The following PLCL1 variants were observed in gnomAD, a reference collection of about 807,000 sequenced individuals.
PLCL1 encodes phospholipase C like 1 (inactive), also known as inactive phospholipase C-like protein 1.
A neutral mutation model predicts 84.4 loss-of-function variants in PLCL1; 41 were observed. That is an observed-to-expected ratio of 0.49 (90% confidence interval 0.38 to 0.63). The LOEUF is 0.63. PLCL1 is among the 30% of genes least tolerant of loss of function. The probability of loss-of-function intolerance (pLI) is 0.00; values close to 1 mark genes in which losing one functional copy is unlikely to be tolerated. For synonymous variants in PLCL1, 490 were observed against 488.3 expected (o/e 1.00, Z -0.05); for missense variants, 1,206 against 1,367.8 (o/e 0.88, Z 1.87).
intron 1 of PLCL1, among the ~76,000 whole-genome samples, chr2:198,037,973 G>A (rs548985048): frequency 4.6e-5 from 7 of 152,274 alleles, no homozygotes; most frequent in East Asian, 3.9e-4. Flanking sequence ...AAACTGAAAT[G>A]TATCATTTTT....
At chr2:197,885,741 TTA>T (rs1280277005) in intron 1 of PLCL1, among the ~76,000 whole-genome samples, 7 of 152,210 alleles carry the variant, frequency 4.6e-5, no homozygotes, top group Non-Finnish European at 8.8e-5. Flanking sequence ...CGCTATCTAA[TTA>T]TATTTGATTC....
At position 198,085,174 on chromosome 2, in the gene PLCL1, G is replaced by T. The variant is rs1375090293; in HGVS notation, c.1657G>T (p.Gly553Ter). 6.2e-7 allele frequency: 1 copy of T among 1,613,894 alleles called. No individual in the cohort carries two copies. The highest frequency in any genetic ancestry group is 8.5e-7 in the Non-Finnish European group (1 of 1,179,888). ...GCCTTCTGATCCAGATGTGTTAGAA[G>T]GAGAAGTAACAGATGAAGATGAAGA... ...KLPSDPDVLE[G>*]EVTDEDEEAE... Residue 553 changes from glycine to a stop codon, truncating the protein, a stop_gained, in exon 2 of 6, where the codon GGA becomes TGA. Coordinates refer to ENST00000428675, the MANE Select transcript of PLCL1 (RefSeq NM_006226.4). LOFTEE classifies it high-confidence loss of function. This position sits in a 1 kb window ranked among gnomAD's most constrained non-coding sequence, Gnocchi z 5.3.
intron 1 of PLCL1, among the ~76,000 whole-genome samples, chr2:197,952,341 C>T (rs1184513062): frequency 1.3e-5 from 2 of 152,100 alleles, no homozygotes; most frequent in African/African-American, 2.4e-5. Flanking sequence ...ATGTGATAAC[C>T]TGCTCTGTGC....
At position 198,084,962 on chromosome 2, in the gene PLCL1, C is replaced by T; in HGVS notation, c.1445C>T (p.Ala482Val). The T allele has an allele frequency of 1.1e-5, 17 of 1,614,044 alleles. No homozygotes were observed. Among genetic ancestry groups the T allele is most frequent in the Non-Finnish European group, 1.4e-5 (17 of 1,179,996 alleles). Residue 482 changes from alanine (A) to valine (V), a missense_variant, in exon 2 of 6, where the codon GCT (alanine) becomes GTT (valine). Physicochemically the swap from Ala to Val is moderately conservative, Grantham distance 64. Coordinates refer to ENST00000428675, the MANE Select transcript of PLCL1 (RefSeq NM_006226.4). ...GTAATAAATAAATTTGCCTTTGTTG[C>T]TTCTGAATACCCACTCATTCTTTGC... The part of the protein sequence containing the change: ...IEVINKFAFV[A>V]SEYPLILCLG...
intron 1 of PLCL1, among the ~76,000 whole-genome samples, chr2:198,022,215 G>A (rs1008514636): frequency 1.3e-5 from 2 of 152,112 alleles, no homozygotes; most frequent in African/African-American, 4.8e-5. Flanking sequence ...CAATAAACTA[G>A]GTATTTGTGG....
In PLCL1 at chr2:198,126,497, G is replaced by C. The variant is rs149526142; in HGVS notation, c.3106-20283G>C. 7.2e-5 allele frequency among the ~76,000 whole-genome samples: 11 copies of C among 152,270 alleles called. No individual in the cohort carries two copies. The East Asian group carries it at 2.1e-3, about 29-fold the overall frequency. ...CTGCCTGGGCTGTGGGGACCACCCA[G>C]GGGCTGTGTGGAGGGAACCATCCCT... On this transcript the variant is annotated intron_variant, in intron 5 of 5. Coordinates refer to ENST00000428675, the MANE Select transcript of PLCL1 (RefSeq NM_006226.4).
intron 1 of PLCL1, among the ~76,000 whole-genome samples, chr2:197,957,247 A>G (rs548163778): frequency 6.6e-6 from 1 of 152,048 alleles, no homozygotes; most frequent in African/African-American, 2.4e-5. Flanking sequence ...CCTTTGTGTT[A>G]TAATTATTTC....
intron 1 of PLCL1, among the ~76,000 whole-genome samples, chr2:197,835,294 T>TA (rs1263429887): frequency 2.6e-5 from 4 of 152,242 alleles, no homozygotes; most frequent in Middle Eastern, 3.4e-3. Flanking sequence ...TAAAGTATAA[T>TA]AAAAAAACCA....
chr2:197,881,090 G>T (rs1348051986), intron 1 of PLCL1, among the ~76,000 whole-genome samples: 1 of 152,132 alleles, frequency 6.6e-6, no homozygotes, highest in Non-Finnish European at 1.5e-5. Flanking sequence ...CTCCCTGAGG[G>T]CAGGCACTGT....
intron 5 of PLCL1, among the ~76,000 whole-genome samples, chr2:198,139,672 A>C (rs1694336490): frequency 6.6e-6 from 1 of 152,202 alleles, no homozygotes; most frequent in Non-Finnish European, 1.5e-5. Flanking sequence ...AGCCTTACAA[A>C]GTATTTGTTT....
rs1167949882 is a variant in PLCL1 at position 198,088,940 on chromosome 2, G to A, written c.2798G>A (p.Arg933Gln). Reference protein sequence around the residue: ...LKQCLLTLSSRLITSDNTPSV... With the variant: ...LKQCLLTLSSQLITSDNTPSV... ...CAGTGCCTGTTAACTCTGTCATCTC[G>A]GCTCATCACCAGTGACAATACTCCT... Residue 933 changes from arginine (R) to glutamine (Q), a missense_variant, in exon 3 of 6, where the codon CGG becomes CAG. Physicochemically the swap from Arg to Gln is conservative, Grantham distance 43. Transcript: ENST00000428675. The A allele has an allele frequency of 3.1e-6, 5 of 1,612,296 alleles. No individual in the cohort carries two copies. Among genetic ancestry groups the A allele is most frequent in the Non-Finnish European group, 3.4e-6 (4 of 1,178,430 alleles).
chr2:198,034,653 C>T (rs1460985282), intron 1 of PLCL1, among the ~76,000 whole-genome samples: 1 of 152,120 alleles, frequency 6.6e-6, no homozygotes, highest in Non-Finnish European at 1.5e-5. Flanking sequence ...GTATTATTAC[C>T]ACAATACAAT....
intron 1 of PLCL1, among the ~76,000 whole-genome samples, chr2:197,999,090 CCAGTATCCTGATCTTTCTCTATT>C (rs1427626441): frequency 2.0e-5 from 3 of 152,150 alleles, no homozygotes; most frequent in African/African-American, 7.2e-5. Context: ...CACAGAGGAA[CCAGTATCCTGATCTTTCTCTATT>C]CAGCTATTTC....
chr2:198,149,004 A>G lies in PLCL1; in HGVS notation c.*2042A>G, dbSNP rs1694587259. On this transcript the variant is annotated 3_prime_UTR_variant, in exon 6 of 6. Transcript: ENST00000428675. ...TATGGATTCTGCCTCATCTGATGCTATTTCTGGCAGTGGGTTGTCAGCCAT... is the reference window on the plus strand; with the variant it reads ...TATGGATTCTGCCTCATCTGATGCTGTTTCTGGCAGTGGGTTGTCAGCCAT... 2.0e-5 allele frequency: 3 copies of G among 152,278 alleles called. No individual in the cohort carries two copies. Among genetic ancestry groups the G allele is most frequent in the Admixed American group, 2.0e-4 (3 of 15,250 alleles). 9.4% of individuals were successfully genotyped at this position (152,278 alleles called of 1,614,324 possible). A position where few individuals can be genotyped will look rare whatever the true frequency, so the allele number is the denominator to read the frequency against.
intron 1 of PLCL1, among the ~76,000 whole-genome samples, chr2:197,845,956 C>T (rs1025043040): frequency 2.0e-5 from 3 of 152,040 alleles, no homozygotes; most frequent in Non-Finnish European, 4.4e-5. Flanking sequence ...GTTTCCTCTC[C>T]AGTGCACTTG....
chr2:198,101,105 C>T (rs770422769), intron 3 of PLCL1, among the ~76,000 whole-genome samples, 180 bp from the exon 4 acceptor site: 2 of 152,004 alleles, frequency 1.3e-5, no homozygotes, highest in Non-Finnish European at 2.9e-5. Context: ...TGACACTAGC[C>T]TCAGTGTTAG....
At chr2:197,852,774 A>G (rs1687263636) in intron 1 of PLCL1, among the ~76,000 whole-genome samples, 2 of 152,198 alleles carry the variant, frequency 1.3e-5, no homozygotes, top group South Asian at 4.1e-4. Flanking sequence ...TTTAGAAAAC[A>G]GAGCTAGACT....
At chr2:197,873,438 G>A (rs760215627) in intron 1 of PLCL1, among the ~76,000 whole-genome samples, 5 of 152,142 alleles carry the variant, frequency 3.3e-5, no homozygotes, top group South Asian at 2.1e-4. Context: ...ACTTTGTGGC[G>A]GGGAACTTTC....
chr2:197,932,208 G>A (rs1688949990), intron 1 of PLCL1, among the ~76,000 whole-genome samples: 1 of 152,088 alleles, frequency 6.6e-6, no homozygotes, highest in Admixed American at 6.6e-5. Context: ...TCAGTGCTCT[G>A]ATTCTGTTGA....
Sources: gnomAD v4.1 joint callset for allele counts (sites outside exome capture counted in the v4.1 genomes callset) on GRCh38, gnomAD v4.1.1 for gene constraint, Gnocchi (gnomAD v3.1) non-coding constraint, MANE v1.5 for transcripts, NCBI Gene and HGNC (gene_info 2026-07-23, HGNC 2026-07-21) for gene names.